BLTP1: variants seen among roughly 807,000 people sequenced by gnomAD.
BLTP1 encodes the protein bridge-like lipid transfer protein family member 1.
the BLTP1 span, chr4:122,347,886 T>C: frequency 1.3e-6 from 1 of 748,006 alleles, no homozygotes; most frequent in Non-Finnish European, 2.0e-6. Flanking sequence ...TTCTTGAGGT[T>C]TTTATGACAC....
the BLTP1 span, chr4:122,187,094 T>C: frequency 2.0e-6 from 2 of 984,362 alleles, no homozygotes; most frequent in Non-Finnish European, 2.4e-6. Flanking sequence ...GGCTGTCTTA[T>C]AAAATGTCGT....
chr4:122,224,370 T>A, the BLTP1 span: 1 of 1,017,646 alleles, frequency 9.8e-7, no homozygotes, highest in Non-Finnish European at 1.4e-6. Flanking sequence ...TAGGAGCTTG[T>A]GGATTCTGAA....
the BLTP1 span, chr4:122,170,538 C>T: frequency 2.9e-6 from 4 of 1,378,778 alleles, no homozygotes; most frequent in African/African-American, 3.1e-5. Context: ...ATTAAATTCA[C>T]CCTTTTTTTC....
chr4:122,247,510 A>G, the BLTP1 span: 2 of 1,038,322 alleles, frequency 1.9e-6, no homozygotes, highest in Non-Finnish European at 2.7e-6. Flanking sequence ...AACACGTGGT[A>G]TTTAGCTACT....
the BLTP1 span, chr4:122,192,064 T>A: frequency 9.0e-6 from 2 of 222,506 alleles, no homozygotes; most frequent in African/African-American, 2.3e-5. Flanking sequence ...TAGTAATTCT[T>A]GATAGACATA....
At chr4:122,209,030 T>C in the BLTP1 span, 1 of 884,012 alleles carries the variant, frequency 1.1e-6, no homozygotes, top group Non-Finnish European at 1.4e-6. Flanking sequence ...AAAATAAAAA[T>C]AAATAAAATT....
chr4:122,307,644 ATT>A, the BLTP1 span: 1 of 985,272 alleles, frequency 1.0e-6, no homozygotes, highest in Non-Finnish European at 1.2e-6. Flanking sequence ...TTCATTTGTT[ATT>A]CCATCCCAGT....
chr4:122,165,871 C>G, the BLTP1 span, among the ~76,000 whole-genome samples: 2 of 150,128 alleles, frequency 1.3e-5, no homozygotes, highest in African/African-American at 4.9e-5. Flanking sequence ...TAAATGTCTT[C>G]TTTTGAGAAG....
the BLTP1 span, chr4:122,220,245 A>T: frequency 1.4e-6 from 2 of 1,384,758 alleles, no homozygotes; most frequent in Non-Finnish European, 2.0e-6. Context: ...AATTCTCTTA[A>T]TCATGACAGA....
At chr4:122,288,738 G>A in the BLTP1 span, 1 of 591,926 alleles carries the variant, frequency 1.7e-6, no homozygotes, top group African/African-American at 2.0e-5. Context: ...GACCACAAAA[G>A]TGGCCATTAA....
the BLTP1 span, chr4:122,215,483 G>C: frequency 1.0e-6 from 1 of 985,346 alleles, no homozygotes; most frequent in Middle Eastern, 5.2e-4. Context: ...TAGATCAGCT[G>C]TTTGGGGAGA....
chr4:122,184,457 G>A, the BLTP1 span: 1 of 152,652 alleles, frequency 6.6e-6, no homozygotes, highest in Non-Finnish European at 1.5e-5. Context: ...TGGACAACAT[G>A]GTGAAACCGC....
the BLTP1 span, among the ~76,000 whole-genome samples, chr4:122,179,593 A>C: frequency 3.5e-4 from 54 of 152,142 alleles, no homozygotes; most frequent in Non-Finnish European, 6.5e-4. Flanking sequence ...CCGTACCTGT[A>C]CCCCAGTATT....
At chr4:122,176,504 C>T in the BLTP1 span, among the ~76,000 whole-genome samples, 25 of 151,726 alleles carry the variant, frequency 1.6e-4, no homozygotes, top group East Asian at 3.5e-3. Context: ...AAATTTTAAA[C>T]CAACAAATTA....
At chr4:122,182,737 A>C in the BLTP1 span, 1 of 985,198 alleles carries the variant, frequency 1.0e-6, no homozygotes, top group Non-Finnish European at 1.2e-6. Context: ...TCCTCCATTC[A>C]CATTCACTGC....
At chr4:122,153,815 G>A in the BLTP1 span, among the ~76,000 whole-genome samples, 31 of 152,152 alleles carry the variant, frequency 2.0e-4, no homozygotes, top group African/African-American at 7.0e-4. Context: ...GGAGTCTTTG[G>A]AAGGCTTCAG....
chr4:122,316,122 G>A, the BLTP1 span, among the ~76,000 whole-genome samples: 4 of 152,070 alleles, frequency 2.6e-5, no homozygotes, highest in African/African-American at 4.8e-5. Flanking sequence ...AAAGCAAAGT[G>A]CATATACAAA....
chr4:122,197,882 T>C, the BLTP1 span: 2 of 755,178 alleles, frequency 2.6e-6, no homozygotes, highest in Non-Finnish European at 3.2e-6. Context: ...TTTTGTTAAA[T>C]TTATCAAATT....
the BLTP1 span, among the ~76,000 whole-genome samples, chr4:122,259,107 T>G: frequency 7.9e-5 from 12 of 152,196 alleles, no homozygotes; most frequent in African/African-American, 2.9e-4. Context: ...AAATCCCAAA[T>G]TGAAAATGTT....
Sources: allele counts gnomAD v4.1 joint callset (sites outside exome capture counted in the v4.1 genomes callset), GRCh38; gene constraint gnomAD v4.1.1; transcripts MANE v1.5; gene names NCBI Gene and HGNC (gene_info 2026-07-23, HGNC 2026-07-21).